Variants in ACSM6 observed in about 807,000 individuals in gnomAD.
ACSM6 encodes acyl-CoA synthetase medium chain family member 6, also known as acyl-coenzyme A synthetase ACSM6, mitochondrial.
In ACSM6, 35 loss-of-function variants were observed where a neutral mutation model predicts 51.1. The ratio of observed to expected loss-of-function variants is 0.69; its 90% CI spans 0.52 to 0.91. The LOEUF is 0.91. Among genes scored for constraint, ACSM6 ranks in the 40% least tolerant of loss-of-function variants. The probability of loss-of-function intolerance (pLI) is 0.00; values close to 1 mark genes in which losing one functional copy is unlikely to be tolerated. For synonymous variants in ACSM6, 172 were observed against 207.3 expected, an observed-to-expected ratio of 0.83 and a Z score of 1.46; for missense variants, 509 against 584.1, an observed-to-expected ratio of 0.87 and a Z score of 1.32.
chr10:95,200,355 G>A (rs2034779186), intron 2 of ACSM6, among the ~76,000 whole-genome samples: 1 of 120,564 alleles, frequency 8.3e-6, no homozygotes, highest in Non-Finnish European at 1.7e-5. Flanking sequence ...TGTGGGGTGG[G>A]GGGAGGGGGG....
In ACSM6 at chr10:95,194,480, A is replaced by G. The variant is rs187035186; in HGVS notation, c.-6A>G. ...ATTTACCTAGGTGGTTCCCTGTCTG[A>G]CCCAAATGCTAGGCCGATTTCAACC... On this transcript the variant is annotated 5_prime_UTR_variant, in exon 2 of 11. Coordinates refer to ENST00000341686, the Ensembl canonical transcript of ACSM6. 344 of 1,551,390 alleles carry G rather than the reference A, an allele frequency of 2.2e-4. No individual in the cohort carries two copies. The East Asian group carries it at 6.5e-3, about 29-fold the overall frequency.
At chr10:95,227,564 C>T (rs904650235) in intron 10 of ACSM6, among the ~76,000 whole-genome samples, 2 of 152,212 alleles carry the variant, frequency 1.3e-5, no homozygotes, top group African/African-American at 4.8e-5. Context: ...TACACTGAGA[C>T]TTTAAAATCA....
chr10:95,226,697 G>A (rs2035043681), intron 10 of ACSM6, among the ~76,000 whole-genome samples: 1 of 152,160 alleles, frequency 6.6e-6, no homozygotes, highest in Non-Finnish European at 1.5e-5. Context: ...ATAAAGAGAG[G>A]CTTTCTTTTA....
At chr10:95,200,191 T>G in intron 2 of ACSM6, among the ~76,000 whole-genome samples, 1 of 152,042 alleles carries the variant, frequency 6.6e-6, no homozygotes, top group Non-Finnish European at 1.5e-5. Context: ...GTTCATGTCC[T>G]TTGTAGGGAC....
chr10:95,210,647 C>A lies in ACSM6; in HGVS notation c.612-3C>A, dbSNP rs368279490. On this transcript the variant is annotated splice_polypyrimidine_tract_variant and splice_region_variant and intron_variant, in intron 4 of 10. Transcript: ENST00000341686. ...TCACTGTTGCCTCTTTCCTGGCTTA[C>A]AGAGTTGCCCCTCCAAAGCAGACCT... The A allele has an allele frequency of 6.2e-7, 1 of 1,612,330 alleles. No homozygotes were observed. The highest frequency in any genetic ancestry group is 1.3e-5 in the African/African-American group (1 of 74,796).
intron 7 of ACSM6, among the ~76,000 whole-genome samples, chr10:95,213,335 T>G (rs1302127323): frequency 2.6e-5 from 4 of 152,212 alleles, no homozygotes; most frequent in Non-Finnish European, 5.9e-5. Context: ...AAACGGGAAA[T>G]GAGTTATAGA....
intron 9 of ACSM6, among the ~76,000 whole-genome samples, chr10:95,224,969 A>C (rs1320990722): frequency 6.6e-6 from 1 of 152,204 alleles, no homozygotes; most frequent in Non-Finnish European, 1.5e-5. Context: ...TCATCCTCAC[A>C]ATAAAGCTGT....
intron 2 of ACSM6, among the ~76,000 whole-genome samples, chr10:95,200,376 T>G (rs1464885644): frequency 2.0e-5 from 3 of 148,528 alleles, no homozygotes; most frequent in African/African-American, 7.4e-5. Flanking sequence ...AGGGATAGCA[T>G]TGGGTGATAT....
chr10:95,220,894 A>G (rs969337702), intron 9 of ACSM6, among the ~76,000 whole-genome samples: 2 of 81,158 alleles, frequency 2.5e-5, no homozygotes, highest in African/African-American at 6.0e-5. Context: ...CTCTATTAAT[A>G]GAGTTAATTA....
rs2034979951 is a variant in ACSM6, at chr10:95,219,871, G to A, written c.1120-20G>A. Reference sequence around the variant, plus strand: ...TTATTGCTTTTTTAAAGAAAAACTTGTCTGCATTTCTTTGAACAGGGTCTA... The same window carrying A: ...TTATTGCTTTTTTAAAGAAAAACTTATCTGCATTTCTTTGAACAGGGTCTA... On this transcript the variant is annotated intron_variant, in intron 8 of 10. Coordinates refer to ENST00000341686, the Ensembl canonical transcript of ACSM6. 6.3e-7 allele frequency: 1 copy of A among 1,592,576 alleles called. No homozygotes were observed. Among genetic ancestry groups the A allele is most frequent in the South Asian group, 1.1e-5 (1 of 88,932 alleles).
chr10:95,200,301 C>A (rs815246), intron 2 of ACSM6, among the ~76,000 whole-genome samples: 74,558 of 140,210 alleles, frequency 0.53, 20,119 homozygotes, highest in Middle Eastern at 0.71. Context: ...GAACAATGAG[C>A]ACACATGGAC....
At chr10:95,204,054 G>A (rs897342141) in intron 3 of ACSM6, among the ~76,000 whole-genome samples, 1 of 152,040 alleles carries the variant, frequency 6.6e-6, no homozygotes, top group Admixed American at 6.5e-5. Context: ...ATCCATGTCT[G>A]AGAAAGGACA....
intron 2 of ACSM6, among the ~76,000 whole-genome samples, chr10:95,197,235 G>T (rs1306987278): frequency 6.6e-6 from 1 of 152,166 alleles, no homozygotes; most frequent in Non-Finnish European, 1.5e-5. Context: ...GGTATTTCTA[G>T]TCGGGTGGGA....
chr10:95,199,272 T>G (rs567401883), intron 2 of ACSM6, among the ~76,000 whole-genome samples: 1 of 152,180 alleles, frequency 6.6e-6, no homozygotes, highest in Non-Finnish European at 1.5e-5. Context: ...ATTTAATAAA[T>G]GGTGCTGGGA....
intron 9 of ACSM6, among the ~76,000 whole-genome samples, chr10:95,224,014 A>G (rs934154513): frequency 9.2e-5 from 14 of 152,222 alleles, no homozygotes; most frequent in African/African-American, 3.1e-4. Flanking sequence ...TCAATAAACA[A>G]TCAAAAAATA....
rs143542307 is a variant in ACSM6, at chr10:95,214,233, A to G, written c.996-619A>G. On this transcript the variant is annotated intron_variant, in intron 7 of 10. Coordinates refer to ENST00000341686, the Ensembl canonical transcript of ACSM6. ...ACATTACCATTAATATGGTACATTC[A>G]TGTATTCAGAATATACAGGGTCACT... Among the ~76,000 whole-genome samples the G allele has an allele frequency of 3.3e-3, 507 of 152,314 alleles. 3 individuals carry two copies. Among genetic ancestry groups the G allele is most frequent in the African/African-American group, 0.012 (490 of 41,570 alleles).
At chr10:95,208,022 T>C (rs2034860055) in intron 4 of ACSM6, among the ~76,000 whole-genome samples, 1 of 151,712 alleles carries the variant, frequency 6.6e-6, no homozygotes, top group Admixed American at 6.6e-5. Context: ...ACACCTATAA[T>C]CCCAGCTACT....
chr10:95,204,156 AG>A (rs1404184267), intron 3 of ACSM6, among the ~76,000 whole-genome samples: 2 of 152,356 alleles, frequency 1.3e-5, no homozygotes, highest in Admixed American at 1.3e-4. Flanking sequence ...AGTCCAAAGC[AG>A]GGCTATCATT....
intron 3 of ACSM6, 84 bp from the exon 4 acceptor site, chr10:95,207,124 C>A: frequency 7.6e-7 from 1 of 1,316,626 alleles, no homozygotes; most frequent in Non-Finnish European, 1.1e-6. Flanking sequence ...ACCCAGAGAC[C>A]TCATCCATGC....
Sources: gnomAD v4.1 joint callset for allele counts (sites outside exome capture counted in the v4.1 genomes callset) on GRCh38, gnomAD v4.1.1 for gene constraint, MANE v1.5 for transcripts, NCBI Gene and HGNC (gene_info 2026-07-23, HGNC 2026-07-21) for gene names.